MCRIP2: variants seen among roughly 807,000 people sequenced by gnomAD.
The protein encoded by MCRIP2 is MAPK regulated co-repressor interacting protein 2.
A neutral mutation model predicts 23.2 loss-of-function variants in MCRIP2; 21 were observed. That is an observed-to-expected ratio of 0.90 (90% CI 0.64 to 1.30). The LOEUF (loss-of-function observed/expected upper bound fraction) is 1.30, where lower values mean the gene tolerates loss of function less well. MCRIP2 is among the 50% of genes most tolerant of loss of function. The pLI, the probability that MCRIP2 is intolerant of heterozygous loss-of-function variation, is 0.00. For missense variants in MCRIP2, 234 were observed against 223.2 expected (o/e 1.05, Z -0.31); for synonymous variants, 121 against 100.2 (o/e 1.21, Z -1.24).
At position 646,908 on chromosome 16, in the gene MCRIP2, C is replaced by T. The variant is rs746903172; in HGVS notation, c.183-509C>T. 5 of 160,444 alleles carry T rather than the reference C, an allele frequency of 3.1e-5. No homozygotes were observed. Among genetic ancestry groups the T allele is most frequent in the African/African-American group, 7.2e-5 (3 of 41,560 alleles). 9.9% of individuals were successfully genotyped at this position (160,444 alleles called of 1,614,324 possible). A position where few individuals can be genotyped will look rare whatever the true frequency, so the allele number is the denominator to read the frequency against. ...GGGAGAGGGCAAAGGCCCCCGTTCC[C>T]GTCCAGGTCCATCCGTCCATGGAGG... On this transcript the variant is annotated intron_variant, in intron 2 of 4. Coordinates refer to ENST00000307650, the MANE Select transcript of MCRIP2 (RefSeq NM_138418.4). This position sits in a 1 kb window ranked among gnomAD's most constrained non-coding sequence, Gnocchi z 6.5.
rs761015451 is a variant in MCRIP2, at chr16:642,073, G to A, written c.52+30G>A. On this transcript the variant is annotated intron_variant, in intron 1 of 4. Transcript: ENST00000307650. The stretch of plus-strand genomic sequence containing the variant: ...GCACGGGCCGGGGAACGGGAACGGG[G>A]ACGGGGCGGGGCGCGGCGGCGGCTG... 4.6e-5 allele frequency: 61 copies of A among 1,319,894 alleles called. 1 individual carries two copies. The South Asian group carries it at 9.8e-4, about 21-fold the overall frequency. 81.8% of individuals were successfully genotyped at this position (1,319,894 alleles called of 1,614,324 possible). A position where few individuals can be genotyped will look rare whatever the true frequency, so the allele number is the denominator to read the frequency against.
rs369502374 is a variant in MCRIP2 at position 647,419 on chromosome 16, C to G, written c.185C>G (p.Pro62Arg). Reference protein sequence around the residue: ...QPPGPWPLSSPGPRLVFNRVN... With the variant: ...QPPGPWPLSSRGPRLVFNRVN... Reference sequence around the variant, plus strand: ...GTCCGTCTCCTCCCTTCCTGCAGTCCAGGGCCAAGGCTTGTGTTCAATCGT... The same window carrying G: ...GTCCGTCTCCTCCCTTCCTGCAGTCGAGGGCCAAGGCTTGTGTTCAATCGT... The change falls in exon 3 of 5, where the codon CCA (proline) becomes CGA (arginine). Residue 62 changes from proline (P) to arginine (R), a missense_variant and splice_region_variant. Pro to Arg is a moderately radical substitution (Grantham distance 103, BLOSUM62 -2). Transcript: ENST00000307650. 4 of 1,613,302 alleles carry G rather than the reference C, an allele frequency of 2.5e-6. No individual in the cohort carries two copies. The African/African-American group carries it at 5.3e-5, about 22-fold the overall frequency.
In MCRIP2 at chr16:642,031, C is replaced by G; in HGVS notation, c.40C>G (p.Gln14Glu). 1 of 1,320,848 alleles carries G rather than the reference C, an allele frequency of 7.6e-7. No individual in the cohort carries two copies. The highest frequency in any genetic ancestry group is 9.6e-7 in the Non-Finnish European group (1 of 1,038,020). 81.8% of individuals were successfully genotyped at this position (1,320,848 alleles called of 1,614,324 possible). A position where few individuals can be genotyped will look rare whatever the true frequency, so the allele number is the denominator to read the frequency against. ...ITKGPSKLVA[Q>E]RRTGPTQQQV... ...CAAGGGGCCCAGCAAGCTGGTCGCG[C>G]AGCGCCGCACAGGTGCGCACGGGCC... The change falls in exon 1 of 5, where the codon CAG becomes GAG. Residue 14 changes from glutamine (Q) to glutamate (E), a missense_variant. Coordinates refer to ENST00000307650, the MANE Select transcript of MCRIP2 (RefSeq NM_138418.4).
rs758424086 is a variant in MCRIP2, at chr16:642,197, C to T, written c.130C>T (p.Pro44Ser). ...GCAGCCCGCGCCGCCGACCTCGCAG[C>T]CCCCGCGGGCGCAGCCCTTTGCGCA... ...CRQPAPPTSQ[P>S]PRAQPFAQPP... Residue 44 changes from proline (P) to serine (S), a missense_variant, in exon 2 of 5, where the codon CCC (proline) becomes TCC (serine). Pro to Ser is a moderately conservative substitution (Grantham distance 74). Coordinates refer to ENST00000307650, the MANE Select transcript of MCRIP2 (RefSeq NM_138418.4). The T allele has an allele frequency of 3.1e-5, 41 of 1,319,392 alleles. No homozygotes were observed. The South Asian group carries it at 4.0e-4, about 13-fold the overall frequency. The allele number at this position is 1,319,392 out of a possible 1,614,324, so 81.7% of individuals were successfully genotyped here.
At chr16:643,935 C>T (rs1386267476) in intron 2 of MCRIP2, among the ~76,000 whole-genome samples, 2 of 152,174 alleles carry the variant, frequency 1.3e-5, no homozygotes, top group African/African-American at 4.8e-5. Flanking sequence ...GAGCCCTGGG[C>T]AGGGCAGGAT....
intron 2 of MCRIP2, chr16:642,828 C>T (rs1019048074): frequency 2.0e-5 from 3 of 152,294 alleles, no homozygotes; most frequent in African/African-American, 7.2e-5. Flanking sequence ...CTCCCCGTGA[C>T]CATGACCCAG....
At chr16:642,388 G>A in intron 2 of MCRIP2, 139 bp downstream of exon 2, 2 of 818,482 alleles carry the variant, frequency 2.4e-6, no homozygotes, top group Non-Finnish European at 3.1e-6. Context: ...TCCGGGCGCG[G>A]GGGGTGCGCG....
At position 641,965 on chromosome 16, in the gene MCRIP2, C is replaced by T. The variant is rs994555812; in HGVS notation, c.-27C>T. On this transcript the variant is annotated 5_prime_UTR_variant, in exon 1 of 5. Coordinates refer to ENST00000307650, the MANE Select transcript of MCRIP2 (RefSeq NM_138418.4). ...CGCAGGGGCCGGATCTGGCCGGGGG[C>T]CGGCGGCGGTGTGGGAGCGGCGCGT... The T allele has an allele frequency of 3.1e-6, 4 of 1,305,972 alleles. No homozygotes were observed. Among genetic ancestry groups the T allele is most frequent in the Non-Finnish European group, 3.9e-6 (4 of 1,029,392 alleles). 80.9% of individuals were successfully genotyped at this position (1,305,972 alleles called of 1,614,324 possible). A position where few individuals can be genotyped will look rare whatever the true frequency, so the allele number is the denominator to read the frequency against.
At chr16:643,653 T>TCCTG (rs771854314) in intron 2 of MCRIP2, among the ~76,000 whole-genome samples, 1 of 150,226 alleles carries the variant, frequency 6.7e-6, no homozygotes, top group Non-Finnish European at 1.5e-5. Context: ...CAAGCGATTC[T>TCCTG]CCTGCCTCAG....
rs2037343185 is a variant in MCRIP2 at position 641,850 on chromosome 16, G to A, written c.-142G>A. 1.4e-6 allele frequency: 1 copy of A among 723,428 alleles called. No homozygotes were observed. Among genetic ancestry groups the A allele is most frequent in the Non-Finnish European group, 1.9e-6 (1 of 530,712 alleles). The allele number at this position is 723,428 out of a possible 1,614,324, so 44.8% of individuals were successfully genotyped here. A position where few individuals can be genotyped will look rare whatever the true frequency, so the allele number is the denominator to read the frequency against. ...TCCGCCGCGTGTCCGGGGTCAGCCC[G>A]AGCCCGTGCGGGCCCTTTAAGGGCC... On this transcript the variant is annotated 5_prime_UTR_variant, in exon 1 of 5. Coordinates refer to ENST00000307650, the MANE Select transcript of MCRIP2 (RefSeq NM_138418.4).
At chr16:647,635 G>C in intron 3 of MCRIP2, 91 bp downstream of exon 3, 2 of 1,546,970 alleles carry the variant, frequency 1.3e-6, no homozygotes, top group Non-Finnish European at 1.8e-6. Context: ...ACCCACAGCC[G>C]CTGCATGGCT....
rs543968160 is a variant in MCRIP2 at position 644,370 on chromosome 16, C to T, written c.182+2121C>T. Among the ~76,000 whole-genome samples, 23 of 152,256 alleles carry T rather than the reference C, an allele frequency of 1.5e-4. No homozygotes were observed. In the South Asian group the frequency reaches 2.3e-3, roughly 15 times the overall value. On this transcript the variant is annotated intron_variant, in intron 2 of 4. Transcript: ENST00000307650. ...TGCTGGGATTACAGGCGTGAACCAC[C>T]GTGCTTGGCCAACCACCTTCCCTCT...
rs1169111602 is a variant in MCRIP2, at chr16:642,040, A to C, written c.49A>C (p.Thr17Pro). ...GPSKLVAQRRTGPTQQQVEGR... is the reference protein window; with the variant it reads ...GPSKLVAQRRPGPTQQQVEGR... Reference sequence around the variant, plus strand: ...CAGCAAGCTGGTCGCGCAGCGCCGCACAGGTGCGCACGGGCCGGGGAACGG... The same window carrying C: ...CAGCAAGCTGGTCGCGCAGCGCCGCCCAGGTGCGCACGGGCCGGGGAACGG... The change falls in exon 1 of 5, where the codon ACA becomes CCA. Residue 17 changes from threonine to proline, a missense_variant. Physicochemically the swap from Thr to Pro is conservative, Grantham distance 38 (BLOSUM62 -1). Transcript: ENST00000307650. 2.3e-6 allele frequency: 3 copies of C among 1,319,586 alleles called. No homozygotes were observed. The highest frequency in any genetic ancestry group is 5.2e-4 in the Middle Eastern group (2 of 3,810). 81.7% of individuals were successfully genotyped at this position (1,319,586 alleles called of 1,614,324 possible). A position where few individuals can be genotyped will look rare whatever the true frequency, so the allele number is the denominator to read the frequency against.
Position 648,338 on chromosome 16 carries a change from G to T in MCRIP2, c.*148G>T. ...TTTGCACCTTTTTTTCCCTTGGCCCGGCTGTCCCAACCAAGCTGCCATGGC... is the reference window on the plus strand; with the variant it reads ...TTTGCACCTTTTTTTCCCTTGGCCCTGCTGTCCCAACCAAGCTGCCATGGC... On this transcript the variant is annotated 3_prime_UTR_variant, in exon 5 of 5. Transcript: ENST00000307650. 1.2e-6 allele frequency: 1 copy of T among 829,582 alleles called. No homozygotes were observed. The allele number at this position is 829,582 out of a possible 1,614,324, so 51.4% of individuals were successfully genotyped here.
chr16:647,422 G>A lies in MCRIP2; in HGVS notation c.188G>A (p.Gly63Glu). 1 of 1,613,444 alleles carries A rather than the reference G, an allele frequency of 6.2e-7. No individual in the cohort carries two copies. The highest frequency in any genetic ancestry group is 1.7e-5 in the Admixed American group (1 of 60,004). The change falls in exon 3 of 5, where the codon GGG becomes GAG. Residue 63 changes from glycine (G) to glutamate (E), a missense_variant. By Grantham distance (98) the Gly-to-Glu change is moderately conservative (BLOSUM62 -2). Transcript: ENST00000307650. ...PPGPWPLSSPGPRLVFNRVNG... is the reference protein window; with the variant it reads ...PPGPWPLSSPEPRLVFNRVNG... The stretch of plus-strand genomic sequence containing the variant: ...CGTCTCCTCCCTTCCTGCAGTCCAG[G>A]GCCAAGGCTTGTGTTCAATCGTGTG...
rs751505596 is a variant in MCRIP2, at chr16:647,418, C to G, written c.184C>G (p.Pro62Ala). 1.2e-6 allele frequency: 2 copies of G among 1,613,448 alleles called. No homozygotes were observed. Among genetic ancestry groups the G allele is most frequent in the Non-Finnish European group, 1.7e-6 (2 of 1,179,950 alleles). The change falls in exon 3 of 5, where the codon CCA becomes GCA. Residue 62 changes from proline to alanine, a missense_variant and splice_region_variant. By Grantham distance (27) the Pro-to-Ala change is conservative. Coordinates refer to ENST00000307650, the MANE Select transcript of MCRIP2 (RefSeq NM_138418.4). Reference protein sequence around the residue: ...QPPGPWPLSSPGPRLVFNRVN... With the variant: ...QPPGPWPLSSAGPRLVFNRVN... ...TGTCCGTCTCCTCCCTTCCTGCAGT[C>G]CAGGGCCAAGGCTTGTGTTCAATCG...
intron 2 of MCRIP2, chr16:642,472 C>A (rs1399780329): frequency 6.9e-6 from 2 of 290,166 alleles, no homozygotes; most frequent in Non-Finnish European, 1.1e-5. Context: ...GGGCCCCCAG[C>A]GGGGAGAAAG....
rs753761338 is a variant in MCRIP2 at position 648,261 on chromosome 16, C to T, written c.*71C>T. On this transcript the variant is annotated 3_prime_UTR_variant, in exon 5 of 5. Coordinates refer to ENST00000307650, the MANE Select transcript of MCRIP2 (RefSeq NM_138418.4). Reference sequence around the variant, plus strand: ...GAGAGAAGCATGGCGCCCTGCCCACCCACTGCGCCTGGCTGGGTGCCGGCC... The same window carrying T: ...GAGAGAAGCATGGCGCCCTGCCCACTCACTGCGCCTGGCTGGGTGCCGGCC... 1.6e-5 allele frequency: 24 copies of T among 1,456,266 alleles called. No individual in the cohort carries two copies. The highest frequency in any genetic ancestry group is 3.9e-5 in the Admixed American group (2 of 51,866). The allele number at this position is 1,456,266 out of a possible 1,614,324, so 90.2% of individuals were successfully genotyped here. A position where few individuals can be genotyped will look rare whatever the true frequency, so the allele number is the denominator to read the frequency against.
Position 641,975 on chromosome 16 carries a change from T to C in MCRIP2, c.-17T>C, listed in dbSNP as rs2037350512. 7.6e-7 allele frequency: 1 copy of C among 1,311,486 alleles called. No individual in the cohort carries two copies. Among genetic ancestry groups the C allele is most frequent in the African/African-American group, 1.6e-5 (1 of 64,412 alleles). The allele number at this position is 1,311,486 out of a possible 1,614,324, so 81.2% of individuals were successfully genotyped here. A position where few individuals can be genotyped will look rare whatever the true frequency, so the allele number is the denominator to read the frequency against. On this transcript the variant is annotated 5_prime_UTR_variant, in exon 1 of 5. Transcript: ENST00000307650. ...GGATCTGGCCGGGGGCCGGCGGCGG[T>C]GTGGGAGCGGCGCGTCATGTACACC... is the stretch of plus-strand genomic sequence containing the variant.
Sources: gnomAD v4.1 joint callset for allele counts (sites outside exome capture counted in the v4.1 genomes callset) on GRCh38, gnomAD v4.1.1 for gene constraint, Gnocchi (gnomAD v3.1) non-coding constraint, MANE v1.5 for transcripts, NCBI Gene and HGNC (gene_info 2026-07-23, HGNC 2026-07-21) for gene names.